ASS1: variants seen among roughly 807,000 people sequenced by gnomAD.
ASS1 encodes argininosuccinate synthase.
In ASS1, 58 loss-of-function variants were observed where a neutral mutation model predicts 60.5. The ratio of observed to expected loss-of-function variants is 0.96; its 90% CI spans 0.78 to 1.19. The LOEUF (loss-of-function observed/expected upper bound fraction) is 1.19, where lower values mean the gene tolerates loss of function less well. ASS1 is among the 50% of genes most tolerant of loss of function. The probability of loss-of-function intolerance (pLI) is 0.00; values close to 1 mark genes in which losing one functional copy is unlikely to be tolerated. For synonymous variants in ASS1, 200 were observed against 206.9 expected, an observed-to-expected ratio of 0.97 and a Z score of 0.29; for missense variants, 454 against 547.3, an observed-to-expected ratio of 0.83 and a Z score of 1.70.
intron 1 of ASS1, chr9:130,450,205 GT>G (rs1187671778): frequency 1.1e-6 from 1 of 946,458 alleles, no homozygotes; most frequent in African/African-American, 1.8e-5. Context: ...CGGCTGGAAA[GT>G]AAGGTTTAGG....
intron 8 of ASS1, among the ~76,000 whole-genome samples, chr9:130,475,868 T>C (rs1486891804): frequency 6.6e-6 from 1 of 150,792 alleles, no homozygotes; most frequent in Non-Finnish European, 1.5e-5. Context: ...GCAATTCTCC[T>C]GCCTCAGCCT....
intron 13 of ASS1, among the ~76,000 whole-genome samples, chr9:130,495,458 T>C (rs901026243): frequency 5.9e-5 from 7 of 118,734 alleles, no homozygotes; most frequent in African/African-American, 8.5e-5. Context: ...TATATATATA[T>C]ATACACATAC....
chr9:130,468,018 C>T (rs1019761601), intron 6 of ASS1, among the ~76,000 whole-genome samples: 8 of 152,162 alleles, frequency 5.3e-5, no homozygotes, highest in African/African-American at 1.4e-4. Context: ...CCTTTTGAGC[C>T]GGAAAAGTTT....
At chr9:130,455,574 C>A (rs1469801887) in intron 3 of ASS1, among the ~76,000 whole-genome samples, 1 of 152,258 alleles carries the variant, frequency 6.6e-6, no homozygotes, top group East Asian at 1.9e-4. Flanking sequence ...TCAGAGAACT[C>A]CAATTGAGTC....
At chr9:130,481,255 G>T (rs1299150952) in intron 11 of ASS1, among the ~76,000 whole-genome samples, 2 of 152,158 alleles carry the variant, frequency 1.3e-5, no homozygotes, top group Admixed American at 1.3e-4. Context: ...CTGCCAGTGT[G>T]TGATAAAGCC....
chr9:130,464,371 A>T (rs1323607137), intron 5 of ASS1, among the ~76,000 whole-genome samples: 8 of 152,094 alleles, frequency 5.3e-5, no homozygotes, highest in Non-Finnish European at 1.2e-4. Context: ...CCCGCCATTC[A>T]TTCTTCCCGG....
Position 130,470,784 on chromosome 9 carries a change from C to G in ASS1, c.496-50C>G, listed in dbSNP as rs150202505. 2,976 of 1,559,464 alleles carry G rather than the reference C, an allele frequency of 1.9e-3. 88 individuals carry two copies. The Admixed American group carries it at 0.045, about 24-fold the overall frequency. On this transcript the variant is annotated intron_variant, in intron 6 of 14. Coordinates refer to ENST00000352480, the MANE Select transcript of ASS1 (RefSeq NM_054012.4). This position sits in a 1 kb window ranked among gnomAD's most constrained non-coding sequence, Gnocchi z 4.3. ...AGCAGGGCCCCTGGGACGGACCTCA[C>G]GCGTCCTTCCAGCCGCCTTACCTCC... is the stretch of plus-strand genomic sequence containing the variant.
At chr9:130,457,916 T>C (rs536479790) in intron 3 of ASS1, among the ~76,000 whole-genome samples, 95 of 152,250 alleles carry the variant, frequency 6.2e-4, no homozygotes, top group Middle Eastern at 3.4e-3. Flanking sequence ...CCCAGCACTT[T>C]GGGAGGCCGA....
chr9:130,446,174 T>TA (rs1845190446), intron 1 of ASS1, among the ~76,000 whole-genome samples: 1 of 152,158 alleles, frequency 6.6e-6, no homozygotes, highest in Non-Finnish European at 1.5e-5. Flanking sequence ...TTCAGTCTGT[T>TA]AGAGCTGGCT....
chr9:130,492,401 A>G (rs1439486189), intron 12 of ASS1, among the ~76,000 whole-genome samples: 1 of 152,116 alleles, frequency 6.6e-6, no homozygotes, highest in Non-Finnish European at 1.5e-5. Flanking sequence ...AGGGAGACTG[A>G]GGCACAGGGA....
At chr9:130,464,850 T>C (rs1845688569) in intron 5 of ASS1, among the ~76,000 whole-genome samples, 1 of 151,904 alleles carries the variant, frequency 6.6e-6, no homozygotes, top group Admixed American at 6.6e-5. Flanking sequence ...TAGCTCATCC[T>C]TCATCCAGTG....
At chr9:130,462,068 C>T (rs1417446189) in intron 4 of ASS1, among the ~76,000 whole-genome samples, 1 of 152,184 alleles carries the variant, frequency 6.6e-6, no homozygotes, top group Non-Finnish European at 1.5e-5. Context: ...GCACTCTCCC[C>T]TCCCATGCCC....
chr9:130,446,861 G>A (rs1032725712), intron 1 of ASS1, among the ~76,000 whole-genome samples: 4 of 152,180 alleles, frequency 2.6e-5, no homozygotes, highest in Non-Finnish European at 5.9e-5. Flanking sequence ...AACTTCGCTG[G>A]AATTCAGAGT....
intron 13 of ASS1, among the ~76,000 whole-genome samples, chr9:130,497,070 A>G (rs1846624617): frequency 1.3e-5 from 2 of 152,224 alleles, no homozygotes; most frequent in Non-Finnish European, 2.9e-5. Flanking sequence ...AGTTTAGATC[A>G]GTTGGGGTAA....
chr9:130,485,719 C>T (rs534440873), intron 11 of ASS1, among the ~76,000 whole-genome samples: 24 of 152,248 alleles, frequency 1.6e-4, no homozygotes, highest in Admixed American at 4.6e-4. Flanking sequence ...GTTTCCAACC[C>T]GATATGTATC....
At chr9:130,466,643 G>A in intron 5 of ASS1, 82 bp from the exon 6 acceptor site, 4 of 1,403,684 alleles carry the variant, frequency 2.8e-6, no homozygotes, top group Non-Finnish European at 4.0e-6. Context: ...CCCCTCCCAG[G>A]AGAGGCCAGC....
intron 4 of ASS1, among the ~76,000 whole-genome samples, chr9:130,462,741 T>A (rs1564905796): frequency 6.6e-6 from 1 of 152,120 alleles, no homozygotes; most frequent in Non-Finnish European, 1.5e-5. Context: ...AGCAGGCAAA[T>A]GTGGCCGCCC....
In ASS1 at chr9:130,476,592, TCTCCAGCTATTCTAC is replaced by T; in HGVS notation, c.598-270_598-256del. On this transcript the variant is annotated intron_variant, in intron 8 of 14. Transcript: ENST00000352480. This position sits in a 1 kb window ranked among gnomAD's most constrained non-coding sequence, Gnocchi z 4.9. The stretch of plus-strand genomic sequence containing the variant: ...CACTTTTTCCTGCCTGACTTGTTCC[TCTCCAGCTATTCTAC>T]CTCCAGCTGTGGGGGCGTCGAAGAA... The T allele has an allele frequency of 1.8e-6, 1 of 555,142 alleles. No individual in the cohort carries two copies. The allele number at this position is 555,142 out of a possible 1,614,324, so 34.4% of individuals were successfully genotyped here.
chr9:130,461,245 C>G (rs1458811764), intron 4 of ASS1, among the ~76,000 whole-genome samples: 1 of 140,290 alleles, frequency 7.1e-6, no homozygotes, highest in Admixed American at 7.0e-5. Context: ...CTGGCTCAGG[C>G]AGTTCCCGGG....
Sources: gnomAD v4.1 joint callset for allele counts (sites outside exome capture counted in the v4.1 genomes callset) on GRCh38, gnomAD v4.1.1 for gene constraint, Gnocchi (gnomAD v3.1) non-coding constraint, MANE v1.5 for transcripts, NCBI Gene and HGNC (gene_info 2026-07-23, HGNC 2026-07-21) for gene names.